The following ADGRL1 variants were observed in gnomAD, a reference collection of about 807,000 sequenced individuals.
ADGRL1 encodes the protein CIRL-1.
ADGRL1 carries 31 observed loss-of-function variants against 148.9 expected under a neutral mutation model. The ratio of observed to expected loss-of-function variants is 0.21; its 90% CI spans 0.16 to 0.28. ADGRL1 has a LOEUF of 0.28. Among genes scored for constraint, ADGRL1 ranks in the 10% least tolerant of loss-of-function variants. The probability of loss-of-function intolerance (pLI) is 1.00; values close to 1 mark genes in which losing one functional copy is unlikely to be tolerated. For synonymous variants in ADGRL1, 937 were observed against 900.3 expected (o/e 1.04, Z -0.73); for missense variants, 1,521 against 2,058.8 (o/e 0.74, Z 5.05).
intron 1 of ADGRL1, among the ~76,000 whole-genome samples, chr19:14,201,139 G>T (rs951938361): frequency 3.3e-5 from 5 of 152,000 alleles, no homozygotes; most frequent in Admixed American, 2.6e-4. Context: ...CAGGAGTAAT[G>T]GAAATCGTCT....
Position 14,161,648 on chromosome 19 carries a change from G to C in ADGRL1, c.1196-22C>G. The C allele has an allele frequency of 7.3e-7, 1 of 1,378,818 alleles. No individual in the cohort carries two copies. Among genetic ancestry groups the C allele is most frequent in the Non-Finnish European group, 9.4e-7 (1 of 1,068,198 alleles). 85.4% of individuals were successfully genotyped at this position (1,378,818 alleles called of 1,614,324 possible). On this transcript the variant is annotated intron_variant, in intron 5 of 22. Transcript: ENST00000361434. The surrounding 1 kb of genome is among the most constrained non-coding windows in gnomAD (Gnocchi z 4.4). ...GGGCCTGGAGAGGGGATACGAGACA[G>C]GGTCATCCCCATGCTCAGGGCCATG...
rs570772009 is a variant in ADGRL1 at position 14,161,993 on chromosome 19, C to T, written c.1196-367G>A. On this transcript the variant is annotated intron_variant, in intron 5 of 22. Transcript: ENST00000361434. This position sits in a 1 kb window ranked among gnomAD's most constrained non-coding sequence, Gnocchi z 4.4. ...GGTCAGCCCCGCCACCAGGTGGGGG[C>T]TGAATACCACCGCCCCCCATCCTCG... is the stretch of plus-strand genomic sequence containing the variant. 1.8e-4 allele frequency among the ~76,000 whole-genome samples: 28 copies of T among 152,204 alleles called. No individual in the cohort carries two copies. The highest frequency in any genetic ancestry group is 1.5e-3 in the East Asian group (8 of 5,168).
intron 1 of ADGRL1, among the ~76,000 whole-genome samples, chr19:14,198,515 A>C (rs1408154678): frequency 1.1e-4 from 17 of 151,908 alleles, no homozygotes; most frequent in East Asian, 3.9e-4. Context: ...CCTGCCAACT[A>C]TGGCTCTCTC....
At chr19:14,198,666 G>A (rs1157952477) in intron 1 of ADGRL1, among the ~76,000 whole-genome samples, 1 of 151,896 alleles carries the variant, frequency 6.6e-6, no homozygotes, top group Admixed American at 6.6e-5. Context: ...GCAGCCTCCA[G>A]CTTCTCTCCA....
Position 14,156,090 on chromosome 19 carries a change from C to A in ADGRL1, c.3125+20G>T, listed in dbSNP as rs1280003358. ...CGGGGGTGGGTGATGGGGCAGGGGG[C>A]AGGCAGGGGCGAGGCTCACTTAATG... On this transcript the variant is annotated intron_variant, in intron 17 of 22. Coordinates refer to ENST00000361434, the MANE Select transcript of ADGRL1 (RefSeq NM_014921.5). 6.3e-7 allele frequency: 1 copy of A among 1,590,814 alleles called. No homozygotes were observed. Among genetic ancestry groups the A allele is most frequent in the Admixed American group, 1.8e-5 (1 of 56,910 alleles).
chr19:14,196,158 T>C (rs1486044019), intron 1 of ADGRL1, among the ~76,000 whole-genome samples: 1 of 152,152 alleles, frequency 6.6e-6, no homozygotes, highest in Non-Finnish European at 1.5e-5. Flanking sequence ...AATCTCTACC[T>C]CGAGGCGAGA....
intron 4 of ADGRL1, 106 bp from the exon 5 acceptor site, chr19:14,163,512 A>C: frequency 1.2e-6 from 1 of 824,572 alleles, no homozygotes; most frequent in Non-Finnish European, 1.8e-6. Flanking sequence ...GGAGAGAGGC[A>C]AGTTGGTCAC....
intron 1 of ADGRL1, among the ~76,000 whole-genome samples, chr19:14,186,950 C>G (rs1046194921): frequency 5.3e-5 from 8 of 152,222 alleles, no homozygotes; most frequent in African/African-American, 1.9e-4. Context: ...TGCCCTCACC[C>G]GCCATCCTTT....
rs1568581569 is a variant in ADGRL1, at chr19:14,161,215, T to C, written c.1510+97A>G. On this transcript the variant is annotated intron_variant, in intron 6 of 22. Transcript: ENST00000361434. The surrounding 1 kb of genome is among the most constrained non-coding windows in gnomAD (Gnocchi z 4.4). ...ATGACCCCTGCCCTCAGAAAACCTCTGCTCCGCAGTAGAGACCCCCACCCA... is the reference window on the plus strand; with the variant it reads ...ATGACCCCTGCCCTCAGAAAACCTCCGCTCCGCAGTAGAGACCCCCACCCA... The C allele has an allele frequency of 8.1e-7, 1 of 1,228,984 alleles. No individual in the cohort carries two copies. Among genetic ancestry groups the C allele is most frequent in the Non-Finnish European group, 1.1e-6 (1 of 920,390 alleles). The allele number at this position is 1,228,984 out of a possible 1,614,324, so 76.1% of individuals were successfully genotyped here.
At position 14,160,720 on chromosome 19, in the gene ADGRL1, C is replaced by T. The variant is rs1261553348; in HGVS notation, c.1511-24G>A. 3 of 1,410,840 alleles carry T rather than the reference C, an allele frequency of 2.1e-6. No individual in the cohort carries two copies. Among genetic ancestry groups the T allele is most frequent in the Non-Finnish European group, 3.0e-6 (3 of 997,862 alleles). 87.4% of individuals were successfully genotyped at this position (1,410,840 alleles called of 1,614,324 possible). A position where few individuals can be genotyped will look rare whatever the true frequency, so the allele number is the denominator to read the frequency against. On this transcript the variant is annotated intron_variant, in intron 6 of 22. Transcript: ENST00000361434. The surrounding 1 kb of genome is among the most constrained non-coding windows in gnomAD (Gnocchi z 5.9). ...TCCTGCAGGGACAGACAGACAGGAA[C>T]AGACAAGGGAGCCAAAGGGAAGAAG...
Position 14,164,102 on chromosome 19 carries a change from C to G in ADGRL1, c.395-696G>C, listed in dbSNP as rs189091692. ...CTGATGCAGCCTGCTCCCCACCCCC[C>G]ACCCAGTACCCACGAAGTCAGTAGC... On this transcript the variant is annotated intron_variant, in intron 4 of 22. Coordinates refer to ENST00000361434, the MANE Select transcript of ADGRL1 (RefSeq NM_014921.5). Among the ~76,000 whole-genome samples, 141 of 150,886 alleles carry G rather than the reference C, an allele frequency of 9.3e-4. 3 individuals carry two copies. The South Asian group carries it at 0.018, about 20-fold the overall frequency.
Position 14,177,521 on chromosome 19 carries a change from G to C in ADGRL1, c.284+10C>G. The C allele has an allele frequency of 6.2e-7, 1 of 1,610,360 alleles. No individual in the cohort carries two copies. The highest frequency in any genetic ancestry group is 8.5e-7 in the Non-Finnish European group (1 of 1,176,710). Reference sequence around the variant, plus strand: ...ACTTCATCCAGGAACTGCCACGAGAGCCCACTCACCTCTGTGACATGATCT... The same window carrying C: ...ACTTCATCCAGGAACTGCCACGAGACCCCACTCACCTCTGTGACATGATCT... On this transcript the variant is annotated intron_variant, in intron 3 of 22. Coordinates refer to ENST00000361434, the MANE Select transcript of ADGRL1 (RefSeq NM_014921.5).
chr19:14,156,880 A>AAG, intron 15 of ADGRL1, 45 bp downstream of exon 15: 1 of 1,590,728 alleles, frequency 6.3e-7, no homozygotes, highest in Non-Finnish European at 8.6e-7. Flanking sequence ...GCCGCCCAGC[A>AAG]GGGAACCAGG....
At chr19:14,191,466 C>T (rs1299838049) in intron 1 of ADGRL1, 1 of 456,578 alleles carries the variant, frequency 2.2e-6, no homozygotes. Context: ...CATCCCTTGT[C>T]CCCATTGTCA....
In ADGRL1 at chr19:14,160,967, G is replaced by A. The variant is rs1158415115; in HGVS notation, c.1511-271C>T. Among the ~76,000 whole-genome samples, 2 of 152,094 alleles carry A rather than the reference G, an allele frequency of 1.3e-5. No individual in the cohort carries two copies. Among genetic ancestry groups the A allele is most frequent in the Non-Finnish European group, 2.9e-5 (2 of 68,002 alleles). ...CCCATCTTGAACGCCCCCTCTCCAC[G>A]AAGCACCTGCCAACCCTCCCCTCAG... is the stretch of plus-strand genomic sequence containing the variant. On this transcript the variant is annotated intron_variant, in intron 6 of 22. Coordinates refer to ENST00000361434, the MANE Select transcript of ADGRL1 (RefSeq NM_014921.5). The surrounding 1 kb of genome is among the most constrained non-coding windows in gnomAD (Gnocchi z 5.9).
Position 14,151,372 on chromosome 19 carries a change from G to A in ADGRL1, c.3911C>T (p.Pro1304Leu). 1 of 1,602,150 alleles carries A rather than the reference G, an allele frequency of 6.2e-7. No individual in the cohort carries two copies. Among genetic ancestry groups the A allele is most frequent in the Non-Finnish European group, 8.5e-7 (1 of 1,175,154 alleles). Residue 1304 changes from proline (P) to leucine (L), a missense_variant, in exon 23 of 23, where the codon CCT becomes CTT. Physicochemically the swap from Pro to Leu is moderately conservative, Grantham distance 98 (BLOSUM62 -3). Around this residue, in one of 8 missense-constraint regions of ADGRL1, gnomAD observed 390 missense variants for 375.0 expected, o/e 1.04. Coordinates refer to ENST00000361434, the MANE Select transcript of ADGRL1 (RefSeq NM_014921.5). ...AAKGPPPPEPPVPPVPGGGGE... is the reference protein window; with the variant it reads ...AAKGPPPPEPLVPPVPGGGGE... ...CCCGCCCCCTGGCACAGGTGGCACAGGGGGCTCAGGCGGTGGAGGGCCCTT... is the reference window on the plus strand; with the variant it reads ...CCCGCCCCCTGGCACAGGTGGCACAAGGGGCTCAGGCGGTGGAGGGCCCTT...
chr19:14,188,226 C>G (rs1599498761), intron 1 of ADGRL1, among the ~76,000 whole-genome samples: 2 of 152,134 alleles, frequency 1.3e-5, no homozygotes, highest in Middle Eastern at 3.2e-3. Context: ...AGCTGGTCTC[C>G]TCACCTCCCT....
At chr19:14,204,713 T>TGAGAGAGAGAGAGAGAGAGAGAGA (rs74181774) in intron 1 of ADGRL1, among the ~76,000 whole-genome samples, 8 of 142,888 alleles carry the variant, frequency 5.6e-5, no homozygotes, top group African/African-American at 2.1e-4. Flanking sequence ...ACAGAGAGAG[T>TGAGAGAGAGAGAGAGAGAGAGAGA]GAGAGAGAGA....
At chr19:14,184,318 C>T (rs1335125637) in intron 1 of ADGRL1, among the ~76,000 whole-genome samples, 1 of 152,106 alleles carries the variant, frequency 6.6e-6, no homozygotes, top group African/African-American at 2.4e-5. Context: ...CTGCCTCCCC[C>T]TCTGGGGGGG....
Sources: gnomAD v4.1 joint callset for allele counts (sites outside exome capture counted in the v4.1 genomes callset) on GRCh38, gnomAD v4.1.1 for gene constraint, gnomAD v4.1.1 regional missense constraint, Gnocchi (gnomAD v3.1) non-coding constraint, MANE v1.5 for transcripts, NCBI Gene and HGNC (gene_info 2026-07-23, HGNC 2026-07-21) for gene names.